TMEM198: variants seen among roughly 807,000 people sequenced by gnomAD.
TMEM198 encodes transmembrane protein 198.
Under a neutral mutation model 31.5 loss-of-function variants are expected in TMEM198, and 21 were observed. That is an observed-to-expected ratio of 0.67 (90% CI 0.47 to 0.96). The LOEUF (loss-of-function observed/expected upper bound fraction) is 0.96. Ranked by LOEUF, TMEM198 falls within the 40% of genes least tolerant of loss-of-function variation. The pLI is 0.00. For missense variants in TMEM198, 447 were observed against 499.4 expected, an observed-to-expected ratio of 0.89 and a Z score of 1.00; for synonymous variants, 211 against 223.3, an observed-to-expected ratio of 0.95 and a Z score of 0.49.
intron 4 of TMEM198, 21 bp downstream of exon 4, chr2:219,549,375 C>T: frequency 6.2e-7 from 1 of 1,600,896 alleles, no homozygotes; most frequent in Non-Finnish European, 8.5e-7. Flanking sequence ...TGAGCCCATC[C>T]AGCCAGAATG....
chr2:219,547,658 G>A lies in TMEM198; in HGVS notation c.319G>A (p.Gly107Arg). The A allele has an allele frequency of 1.3e-6, 2 of 1,534,000 alleles. No homozygotes were observed. Among genetic ancestry groups the A allele is most frequent in the Non-Finnish European group, 1.8e-6 (2 of 1,140,074 alleles). ...GIALGIGLLCGLVAMLVRSVG... is the reference protein window; with the variant it reads ...GIALGIGLLCRLVAMLVRSVG... ...CGCTCTGGGCATCGGGCTGCTCTGC[G>A]GGCTGGTGGCCATGCTAGTGCGCAG... Residue 107 changes from glycine to arginine, a missense_variant, in exon 3 of 5, where the codon GGG (glycine) becomes AGG (arginine). Physicochemically the swap from Gly to Arg is moderately radical, Grantham distance 125 (BLOSUM62 -2). Transcript: ENST00000373883.
At chr2:219,548,821 G>A (rs1695453776) in intron 3 of TMEM198, among the ~76,000 whole-genome samples, 1 of 152,158 alleles carries the variant, frequency 6.6e-6, no homozygotes, top group Non-Finnish European at 1.5e-5. Context: ...GGGAGCAAGT[G>A]TAGGGGGAAA....
chr2:219,549,459 G>A (rs1695487107), intron 4 of TMEM198, 105 bp downstream of exon 4: 1 of 1,392,294 alleles, frequency 7.2e-7, no homozygotes, highest in Admixed American at 2.5e-5. Flanking sequence ...TAGAAGGCCT[G>A]TTTGTCCATG....
At chr2:219,543,843 C>G (rs935462607), upstream of TMEM198, 1 of 414,170 alleles carries the variant, frequency 2.4e-6, no homozygotes, top group Non-Finnish European at 4.3e-6. Context: ...GTCTCGGGCT[C>G]TCGCTACCGG....
intron 4 of TMEM198, 142 bp downstream of exon 4, chr2:219,549,496 A>C (rs1695489015): frequency 1.6e-6 from 2 of 1,261,276 alleles, no homozygotes; most frequent in Middle Eastern, 2.7e-4. Context: ...ATCGGAGCCC[A>C]TGCACCAGGG....
At chr2:219,543,722 C>A, upstream of TMEM198, 1 of 441,786 alleles carries the variant, frequency 2.3e-6, no homozygotes, top group Non-Finnish European at 3.9e-6. Context: ...CCTCGATTCC[C>A]CTCCAGCAGC....
Position 219,549,802 on chromosome 2 carries a change from A to G in TMEM198, c.1031A>G (p.Tyr344Cys), listed in dbSNP as rs757156476. The G allele has an allele frequency of 1.2e-6, 2 of 1,614,082 alleles. No individual in the cohort carries two copies. Among genetic ancestry groups the G allele is most frequent in the South Asian group, 1.1e-5 (1 of 91,078 alleles). ...MASPTDADYEYGSRGPLTACS... is the reference protein window; with the variant it reads ...MASPTDADYECGSRGPLTACS... ...TCACCCACAGATGCGGACTATGAGT[A>G]TGGGTCCCGGGGACCTCTGACAGCC... The change falls in exon 5 of 5, where the codon TAT (tyrosine) becomes TGT (cysteine). Residue 344 changes from tyrosine to cysteine, a missense_variant. Tyr to Cys is a radical substitution (Grantham distance 194, BLOSUM62 -2). Coordinates refer to ENST00000373883, the MANE Select transcript of TMEM198 (RefSeq NM_001005209.3).
chr2:219,548,023 C>T lies in TMEM198; in HGVS notation c.684C>T (p.Ser228=), dbSNP rs781559145. The change falls in exon 3 of 5, where the codon AGC becomes AGT. Residue 228 remains serine, a synonymous_variant. Coordinates refer to ENST00000373883, the MANE Select transcript of TMEM198 (RefSeq NM_001005209.3). ...TGCTGGCACTCTGGCCCCTGCTCAG[C>T]CTGATGGGCGTTCTGGTGCAGTGGA... The part of the protein sequence containing the change: ...WALLALWPLL[S]LMGVLVQWRV... The T allele has an allele frequency of 1.3e-6, 2 of 1,590,104 alleles. No individual in the cohort carries two copies. The highest frequency in any genetic ancestry group is 1.7e-5 in the Admixed American group (1 of 58,594).
intron 4 of TMEM198, 79 bp downstream of exon 4, chr2:219,549,433 CGGGCTGGTTGCTATCTAGAA>C: frequency 6.7e-7 from 1 of 1,500,458 alleles, no homozygotes; most frequent in Non-Finnish European, 9.0e-7. Context: ...GCTTTCCCCA[CGGGCTGGTTGCTATCTAGAA>C]GGCCTGTTTG....
rs1695347236 is a variant in TMEM198 at position 219,544,365 on chromosome 2, G to A, written c.-52G>A. On this transcript the variant is annotated 5_prime_UTR_variant, in exon 1 of 5. Transcript: ENST00000373883. ...CCTCTTTCACTCAGAAGCTCAGGTC[G>A]CCTCCAGCCCAGGTAAATCTTGGAC... 2 of 486,502 alleles carry A rather than the reference G, an allele frequency of 4.1e-6. No individual in the cohort carries two copies. The highest frequency in any genetic ancestry group is 2.0e-5 in the African/African-American group (1 of 51,082). 30.1% of individuals were successfully genotyped at this position (486,502 alleles called of 1,614,324 possible).
At chr2:219,547,440 T>C in intron 2 of TMEM198, 66 bp from the exon 3 acceptor site, 2 of 1,313,888 alleles carry the variant, frequency 1.5e-6, no homozygotes, top group East Asian at 2.7e-5. Context: ...CCTTGACCCC[T>C]TGGACCTGCT....
In TMEM198 at chr2:219,549,741, C is replaced by G; in HGVS notation, c.970C>G (p.Arg324Gly). ...SPSYIQSFRD[R>G]QTGSSLSSFM... Reference sequence around the variant, plus strand: ...GAGCTATATCCAGAGCTTCCGAGACCGGCAGACCGGGAGCTCCCTGAGCTC... The same window carrying G: ...GAGCTATATCCAGAGCTTCCGAGACGGGCAGACCGGGAGCTCCCTGAGCTC... Residue 324 changes from arginine to glycine, a missense_variant, in exon 5 of 5, where the codon CGG becomes GGG. Transcript: ENST00000373883. 1 of 1,613,992 alleles carries G rather than the reference C, an allele frequency of 6.2e-7. No individual in the cohort carries two copies. Among genetic ancestry groups the G allele is most frequent in the Non-Finnish European group, 8.5e-7 (1 of 1,179,994 alleles).
Position 219,547,844 on chromosome 2 carries a change from C to T in TMEM198, c.505C>T (p.Arg169Cys), listed in dbSNP as rs568013301. The T allele has an allele frequency of 5.0e-5, 79 of 1,586,932 alleles. No individual in the cohort carries two copies. Among genetic ancestry groups the T allele is most frequent in the Non-Finnish European group, 6.0e-5 (70 of 1,171,764 alleles). ...LCALLTLRWP[R>C]PLTTLATAVT... ...TGCCCTGCTCACTCTGCGCTGGCCC[C>T]GCCCACTCACCACCCTGGCCACCGC... Residue 169 changes from arginine (R) to cysteine (C), a missense_variant, in exon 3 of 5, where the codon CGC (arginine) becomes TGC (cysteine). Transcript: ENST00000373883.
In TMEM198 at chr2:219,549,306, G is replaced by A. The variant is rs768615069; in HGVS notation, c.897G>A (p.Arg299=). 65 of 1,613,844 alleles carry A rather than the reference G, an allele frequency of 4.0e-5. No homozygotes were observed. The South Asian group carries it at 7.1e-4, about 18-fold the overall frequency. The change falls in exon 4 of 5, where the codon CGG becomes CGA. Residue 299 remains arginine (R), a synonymous_variant. Transcript: ENST00000373883. ...CTGGGCCACCAGACCCTGCTTATCGGCGCAGGCCAGTGCCCATCAAACGCT... is the reference window on the plus strand; with the variant it reads ...CTGGGCCACCAGACCCTGCTTATCGACGCAGGCCAGTGCCCATCAAACGCT... ...PRPGPPDPAY[R]RRPVPIKRFN...
At chr2:219,543,816 C>T (rs189074952), upstream of TMEM198, 1 of 442,850 alleles carries the variant, frequency 2.3e-6, no homozygotes, top group African/African-American at 2.1e-5. Flanking sequence ...CTGCAAGGGC[C>T]CCGCCCCCGG....
rs760212798 is a variant in TMEM198, at chr2:219,549,699, A to G, written c.946-18A>G. On this transcript the variant is annotated intron_variant, in intron 4 of 4. Transcript: ENST00000373883. ...GGATTCTGCGGTGGGACTCACACCT[A>G]TGTTTGCTCCCCCACAGAGCTATAT... is the stretch of plus-strand genomic sequence containing the variant. 2 of 1,611,922 alleles carry G rather than the reference A, an allele frequency of 1.2e-6. No individual in the cohort carries two copies. The highest frequency in any genetic ancestry group is 2.2e-5 in the East Asian group (1 of 44,776).
chr2:219,549,101 G>C, intron 3 of TMEM198, 51 bp from the exon 4 acceptor site: 2 of 1,606,082 alleles, frequency 1.2e-6, no homozygotes, highest in Middle Eastern at 1.7e-4. Flanking sequence ...GGGCTCAAGG[G>C]AAACAAGGCG....
intron 3 of TMEM198, 119 bp downstream of exon 3, chr2:219,548,200 G>C: frequency 2.1e-6 from 2 of 959,610 alleles, no homozygotes. Flanking sequence ...GTAGAGAGCT[G>C]ACTTGCTCAG....
chr2:219,543,677 G>C, upstream of TMEM198: 1 of 556,642 alleles, frequency 1.8e-6, no homozygotes, highest in Non-Finnish European at 2.8e-6. Flanking sequence ...CCGCAGAGCA[G>C]AGCCAGCGGC....
Sources: allele counts gnomAD v4.1 joint callset (sites outside exome capture counted in the v4.1 genomes callset), GRCh38; gene constraint gnomAD v4.1.1; transcripts MANE v1.5; gene names NCBI Gene and HGNC (gene_info 2026-07-23, HGNC 2026-07-21).